The following CSMD1 variants were observed in gnomAD, a reference collection of about 807,000 sequenced individuals.
The protein encoded by CSMD1 is CUB and Sushi multiple domains 1.
A neutral mutation model predicts 417.5 loss-of-function variants in CSMD1; 213 were observed. The ratio of observed to expected loss-of-function variants is 0.51; its 90% confidence interval spans 0.46 to 0.57. The LOEUF (loss-of-function observed/expected upper bound fraction) is 0.57, where lower values mean the gene tolerates loss of function less well. Among genes scored for constraint, CSMD1 ranks in the 20% least tolerant of loss-of-function variants. The probability of loss-of-function intolerance (pLI) is 0.00; values close to 1 mark genes in which losing one functional copy is unlikely to be tolerated. For missense variants in CSMD1, 6,923 were observed against 4,529.7 expected (o/e 1.53, Z -15.17); for synonymous variants, 2,862 against 1,736.8 (o/e 1.65, Z -16.11).
intron 11 of CSMD1, among the ~76,000 whole-genome samples, chr8:3,471,057 T>C (rs551200918): frequency 3.3e-5 from 5 of 152,296 alleles, no homozygotes; most frequent in African/African-American, 9.6e-5. Flanking sequence ...AATAGCTGCA[T>C]TGTGAAATCA....
chr8:3,713,043 C>A (rs13259213), intron 6 of CSMD1, among the ~76,000 whole-genome samples: 59,280 of 151,910 alleles, frequency 0.39, 12,480 homozygotes, highest in Admixed American at 0.51. Flanking sequence ...AAAAAAATTC[C>A]CCAAAAGCAA....
At chr8:4,476,425 T>C (rs1207076244) in intron 2 of CSMD1, among the ~76,000 whole-genome samples, 1 of 152,204 alleles carries the variant, frequency 6.6e-6, no homozygotes, top group Non-Finnish European at 1.5e-5. Context: ...CAGCTTCTTT[T>C]AAATGTAGTC....
intron 3 of CSMD1, among the ~76,000 whole-genome samples, chr8:4,157,916 C>A (rs774932848): frequency 7.9e-5 from 12 of 152,168 alleles, no homozygotes; most frequent in Non-Finnish European, 1.5e-4. Flanking sequence ...TGGGCTTGTC[C>A]CTGAGGTTAA....
At chr8:3,906,282 A>G (rs140163731) in intron 5 of CSMD1, among the ~76,000 whole-genome samples, 3 of 123,502 alleles carry the variant, frequency 2.4e-5, no homozygotes, top group African/African-American at 7.4e-5. Flanking sequence ...AATAAAATCA[A>G]TTGTCATAGG....
rs191211614 is a variant in CSMD1, at chr8:4,939,579, A to G, written c.85+54753T>C. 8.6e-4 allele frequency among the ~76,000 whole-genome samples: 131 copies of G among 152,146 alleles called. No homozygotes were observed. In the Middle Eastern group the frequency reaches 0.034, roughly 40 times the overall value. On this transcript the variant is annotated intron_variant, in intron 1 of 69. Coordinates refer to ENST00000635120, the MANE Select transcript of CSMD1 (RefSeq NM_033225.6). ...ATATCACATGATCTTGCTTACATGT[A>G]GAATCTAAAATAGTTGAACTCAATG...
intron 2 of CSMD1, among the ~76,000 whole-genome samples, chr8:4,435,705 G>T (rs1235444676): frequency 6.6e-6 from 1 of 152,186 alleles, no homozygotes; most frequent in African/African-American, 2.4e-5. Context: ...AGGTGCCTCT[G>T]TGTGGGGCTG....
intron 10 of CSMD1, among the ~76,000 whole-genome samples, chr8:3,513,953 C>T (rs1032215715): frequency 5.3e-5 from 8 of 152,178 alleles, no homozygotes; most frequent in African/African-American, 1.7e-4. Flanking sequence ...AGAGTAGGTA[C>T]TTGTAATAAG....
At chr8:4,702,152 G>C (rs1328136855) in intron 1 of CSMD1, among the ~76,000 whole-genome samples, 1 of 152,186 alleles carries the variant, frequency 6.6e-6, no homozygotes, top group Admixed American at 6.5e-5. Context: ...AATAGCTAAT[G>C]AATGCTGGGC....
chr8:4,376,389 C>T (rs1264008578), intron 3 of CSMD1, among the ~76,000 whole-genome samples: 2 of 152,134 alleles, frequency 1.3e-5, no homozygotes, highest in Non-Finnish European at 2.9e-5. Context: ...CCATATGTAA[C>T]CCGTGCTGTG....
intron 1 of CSMD1, among the ~76,000 whole-genome samples, chr8:4,699,723 T>C (rs939540097): frequency 3.9e-5 from 6 of 152,196 alleles, no homozygotes; most frequent in Admixed American, 2.0e-4. Flanking sequence ...TTATGAGGTG[T>C]TAATTTCTAC....
At chr8:4,122,741 T>C (rs1802556468) in intron 3 of CSMD1, among the ~76,000 whole-genome samples, 1 of 152,188 alleles carries the variant, frequency 6.6e-6, no homozygotes, top group Non-Finnish European at 1.5e-5. Context: ...TAACACTTTC[T>C]GTGAAAGGGG....
chr8:3,066,317 T>C (rs907404753), intron 49 of CSMD1, among the ~76,000 whole-genome samples: 5 of 152,246 alleles, frequency 3.3e-5, no homozygotes, highest in East Asian at 1.9e-4. Context: ...GAAAATCTCA[T>C]AGTTTTAGCT....
intron 3 of CSMD1, among the ~76,000 whole-genome samples, chr8:4,171,738 A>G (rs1797775330): frequency 1.3e-5 from 2 of 149,608 alleles, no homozygotes; most frequent in Non-Finnish European, 2.9e-5. Flanking sequence ...TGAAATTTTC[A>G]TCTTTTTATT....
At chr8:3,738,712 C>T (rs1435825332) in intron 6 of CSMD1, among the ~76,000 whole-genome samples, 1 of 152,148 alleles carries the variant, frequency 6.6e-6, no homozygotes, top group Non-Finnish European at 1.5e-5. Flanking sequence ...GAAGGTGCCA[C>T]CCTGTGGTCA....
chr8:4,684,111 T>C (rs751839320), intron 1 of CSMD1, among the ~76,000 whole-genome samples: 4 of 152,180 alleles, frequency 2.6e-5, no homozygotes, highest in East Asian at 1.9e-4. Flanking sequence ...AAAAAGCATA[T>C]TACATAAAAT....
At chr8:4,019,993 C>G (rs1047067296) in intron 4 of CSMD1, among the ~76,000 whole-genome samples, 1 of 150,422 alleles carries the variant, frequency 6.6e-6, no homozygotes, top group East Asian at 2.0e-4. Context: ...TCTTTTCAAA[C>G]TGTTTGCCAT....
intron 1 of CSMD1, among the ~76,000 whole-genome samples, chr8:4,921,280 G>A (rs1294315530): frequency 3.3e-5 from 5 of 152,204 alleles, no homozygotes; most frequent in East Asian, 1.9e-4. Flanking sequence ...CAATCTGAGT[G>A]GGGGTGCTAA....
chr8:4,586,933 G>C (rs1231473115), intron 2 of CSMD1, among the ~76,000 whole-genome samples: 1 of 152,160 alleles, frequency 6.6e-6, no homozygotes, highest in African/African-American at 2.4e-5. Flanking sequence ...ATGAGAACTT[G>C]CATGCATGAA....
chr8:3,760,012 C>A (rs546491189), intron 5 of CSMD1, among the ~76,000 whole-genome samples: 2 of 151,948 alleles, frequency 1.3e-5, no homozygotes, highest in South Asian at 4.2e-4. Flanking sequence ...CTCCTGATGT[C>A]CAGAAACACA....
Sources: gnomAD v4.1 joint callset for allele counts (sites outside exome capture counted in the v4.1 genomes callset) on GRCh38, gnomAD v4.1.1 for gene constraint, MANE v1.5 for transcripts, NCBI Gene and HGNC (gene_info 2026-07-23, HGNC 2026-07-21) for gene names.